The following DPH1 variants were observed in gnomAD, a reference collection of about 807,000 sequenced individuals.
DPH1 encodes the protein 2-(3-amino-3-carboxypropyl)histidine synthase subunit 1.
A neutral mutation model predicts 55.3 loss-of-function variants in DPH1; 59 were observed. The observed-to-expected ratio is 1.07, with a 90% CI of 0.87 to 1.33. The LOEUF is 1.33. DPH1 is among the 40% of genes most tolerant of loss of function. The pLI, the probability that DPH1 is intolerant of heterozygous loss-of-function variation, is 0.00. For synonymous variants in DPH1, 238 were observed against 235.5 expected, an observed-to-expected ratio of 1.01 and a Z score of -0.10; for missense variants, 628 against 584.8, an observed-to-expected ratio of 1.07 and a Z score of -0.76.
intron 12 of DPH1, 104 bp from the exon 13 acceptor site, chr17:2,042,501 C>CCT: frequency 6.9e-7 from 1 of 1,439,290 alleles, no homozygotes; most frequent in Non-Finnish European, 9.1e-7. Flanking sequence ...GCCTCGATTC[C>CCT]CTTTTTCTCT....
chr17:2,039,905 C>G, intron 7 of DPH1, 82 bp downstream of exon 7: 1 of 1,590,770 alleles, frequency 6.3e-7, no homozygotes, highest in Non-Finnish European at 8.6e-7. Flanking sequence ...GGTTGCATCC[C>G]CATTTCCTGG....
rs772506587 is a variant in DPH1, at chr17:2,042,891, G to T, written c.*305G>T. 5.0e-6 allele frequency: 8 copies of T among 1,614,176 alleles called. No homozygotes were observed. Among genetic ancestry groups the T allele is most frequent in the Non-Finnish European group, 6.8e-6 (8 of 1,180,042 alleles). ...CTGGTTTCTGTCCCCGGGGCATTGG[G>T]TTCAAGGAATCCATCCTGCAAAGGC... On this transcript the variant is annotated 3_prime_UTR_variant, in exon 13 of 13. Coordinates refer to ENST00000263083, the MANE Select transcript of DPH1 (RefSeq NM_001383.6).
intron 1 of DPH1, among the ~76,000 whole-genome samples, chr17:2,031,783 T>C (rs980065093): frequency 6.6e-6 from 1 of 152,182 alleles, no homozygotes; most frequent in Admixed American, 6.5e-5. Context: ...TATTATTTTT[T>C]ATCCTACTTA....
chr17:2,033,885 C>T (rs1158712560), intron 3 of DPH1, 43 bp downstream of exon 3: 1 of 1,610,322 alleles, frequency 6.2e-7, no homozygotes, highest in Non-Finnish European at 8.5e-7. Context: ...CCAGGCTTCC[C>T]CCACCCCCTA....
Position 2,033,564 on chromosome 17 carries a change from C to A in DPH1, c.121C>A (p.Gln41Lys), listed in dbSNP as rs186486757. The A allele has an allele frequency of 1.7e-5, 28 of 1,614,124 alleles. No homozygotes were observed. In the African/African-American group the frequency reaches 2.8e-4, roughly 16 times the overall value. The change falls in exon 2 of 13, where the codon CAG becomes AAG. Residue 41 changes from glutamine to lysine, a missense_variant. Transcript: ENST00000263083. ...QIPPEILKNP[Q>K]LQAAIRVLPS... ...CCCCCCTGAGATCCTGAAGAACCCT[C>A]AGCTGCAGGCAGCAATCCGGGTCCT...
In DPH1 at chr17:2,043,200, T is replaced by TGGAG; in HGVS notation, c.*615_*616insGAGG. Reference sequence around the variant, plus strand: ...AGGACCCTCCACTCACTGCTGTGAGTGCGCCTCACCAGAACCAGTTAAGAG... The same window carrying TGGAG: ...AGGACCCTCCACTCACTGCTGTGAGTGGAGGCGCCTCACCAGAACCAGTTAAGAG... On this transcript the variant is annotated 3_prime_UTR_variant, in exon 13 of 13. Coordinates refer to ENST00000263083, the MANE Select transcript of DPH1 (RefSeq NM_001383.6). The TGGAG allele has an allele frequency of 1.4e-6, 2 of 1,422,076 alleles. No homozygotes were observed. The highest frequency in any genetic ancestry group is 1.9e-6 in the Non-Finnish European group (2 of 1,047,764). 88.1% of individuals were successfully genotyped at this position (1,422,076 alleles called of 1,614,324 possible).
At position 2,031,559 on chromosome 17, in the gene DPH1, C is replaced by CTT. The variant is rs2067332131; in HGVS notation, c.61+1330_61+1331insTT. 3.6e-5 allele frequency among the ~76,000 whole-genome samples: 3 copies of CTT among 83,266 alleles called. 1 individual carries two copies. The South Asian group carries it at 1.4e-3, about 39-fold the overall frequency. 54.6% of individuals were successfully genotyped at this position (83,266 alleles called of 152,430 possible). On this transcript the variant is annotated intron_variant, in intron 1 of 12. Transcript: ENST00000263083. Reference sequence around the variant, plus strand: ...CCTGGCCAACAGACAGAGTGAGACTCTGTCTCAAAAAAAAAAAAAAAAAAA... The same window carrying CTT: ...CCTGGCCAACAGACAGAGTGAGACTCTTTGTCTCAAAAAAAAAAAAAAAAAAA...
intron 11 of DPH1, 67 bp downstream of exon 11, chr17:2,041,688 G>A (rs941924845): frequency 6.3e-6 from 10 of 1,577,206 alleles, no homozygotes; most frequent in Admixed American, 5.7e-5. Context: ...CTGCGACCGC[G>A]ACGGGAAACG....
Position 2,041,834 on chromosome 17 carries a change from A to C in DPH1, c.1294A>C (p.Lys432Gln), listed in dbSNP as rs752571174. The C allele has an allele frequency of 2.5e-6, 4 of 1,603,260 alleles. No individual in the cohort carries two copies. The highest frequency in any genetic ancestry group is 2.6e-6 in the Non-Finnish European group (3 of 1,176,306). ...CGAGGACTGCAGCTGCAGGGACGAG[A>C]AGGTGGCGCCGCTGGCTCCTTGACG... is the stretch of plus-strand genomic sequence containing the variant. Reference protein sequence around the residue: ...ACEDCSCRDEKVAPLAP With the variant: ...ACEDCSCRDEQVAPLAP Residue 432 changes from lysine to glutamine, a missense_variant, in exon 12 of 13, where the codon AAG (lysine) becomes CAG (glutamine). Coordinates refer to ENST00000263083, the MANE Select transcript of DPH1 (RefSeq NM_001383.6).
At chr17:2,033,120 G>A (rs73294234) in intron 1 of DPH1, among the ~76,000 whole-genome samples, 204 of 152,216 alleles carry the variant, frequency 1.3e-3, no homozygotes, top group African/African-American at 4.8e-3. Flanking sequence ...CCTATTTTCT[G>A]GCTTCAGTCT....
chr17:2,030,747 G>A (rs2067320020), intron 1 of DPH1, among the ~76,000 whole-genome samples: 1 of 152,226 alleles, frequency 6.6e-6, no homozygotes, highest in African/African-American at 2.4e-5. Flanking sequence ...TGGTCCCTGG[G>A]ACACATTGAA....
Position 2,040,505 on chromosome 17 carries a change from C to G in DPH1, c.907C>G (p.His303Asp). 4 of 1,614,190 alleles carry G rather than the reference C, an allele frequency of 2.5e-6. No homozygotes were observed. The highest frequency in any genetic ancestry group is 3.4e-6 in the Non-Finnish European group (4 of 1,180,044). Residue 303 changes from histidine (H) to aspartate (D), a missense_variant and splice_region_variant, in exon 9 of 13, where the codon CAC (histidine) becomes GAC (aspartate). Physicochemically the swap from His to Asp is moderately conservative, Grantham distance 81. Transcript: ENST00000263083. ...CCACCCTGCCTCCCTCTCCCAACAG[C>G]ACCTGGAATCTCGACTCCGAGCCTT... ...GRQGSPKILEHLESRLRALGL... is the reference protein window; with the variant it reads ...GRQGSPKILEDLESRLRALGL...
At chr17:2,042,398 T>A in intron 12 of DPH1, 3 of 1,259,266 alleles carry the variant, frequency 2.4e-6, no homozygotes, top group Non-Finnish European at 3.1e-6. Context: ...CTGCAGCCTG[T>A]CCTCCCAGGC....
Position 2,041,800 on chromosome 17 carries a change from C to G in DPH1, c.1260C>G (p.Ala420=), listed in dbSNP as rs776006907. ...VQEGSARPPS[A]VACEDCSCRD... Reference sequence around the variant, plus strand: ...AGGGGTCCGCGCGTCCCCCTTCGGCCGTGGCTTGCGAGGACTGCAGCTGCA... The same window carrying G: ...AGGGGTCCGCGCGTCCCCCTTCGGCGGTGGCTTGCGAGGACTGCAGCTGCA... Residue 420 remains alanine (A), a synonymous_variant, in exon 12 of 13, where the codon GCC becomes GCG. Transcript: ENST00000263083. 6.2e-7 allele frequency: 1 copy of G among 1,606,486 alleles called. No homozygotes were observed. The highest frequency in any genetic ancestry group is 8.5e-7 in the Non-Finnish European group (1 of 1,177,332).
intron 12 of DPH1, 23 bp from the exon 13 acceptor site, chr17:2,042,582 C>T (rs73294249): frequency 6.6e-7 from 1 of 1,508,462 alleles, no homozygotes; most frequent in Non-Finnish European, 8.8e-7. Flanking sequence ...CTAATCCCAT[C>T]CTTTTTCCTC....
Position 2,041,126 on chromosome 17 carries a change from G to A in DPH1, c.1031G>A (p.Arg344His). 1.2e-6 allele frequency: 2 copies of A among 1,604,764 alleles called. No individual in the cohort carries two copies. Among genetic ancestry groups the A allele is most frequent in the Middle Eastern group, 1.7e-4 (1 of 6,058 alleles). Reference protein sequence around the residue: ...VDVWVQVACPRLSIDWGTAFP... With the variant: ...VDVWVQVACPHLSIDWGTAFP... ...AGGTGGGTGCAGGTGGCATGTCCAC[G>A]TCTCTCCATTGACTGGGGCACAGCC... is the stretch of plus-strand genomic sequence containing the variant. Residue 344 changes from arginine to histidine, a missense_variant, in exon 10 of 13, where the codon CGT becomes CAT. Coordinates refer to ENST00000263083, the MANE Select transcript of DPH1 (RefSeq NM_001383.6).
At position 2,036,832 on chromosome 17, in the gene DPH1, C is replaced by T. The variant is rs754798062; in HGVS notation, c.559-3C>T. On this transcript the variant is annotated splice_polypyrimidine_tract_variant and splice_region_variant and intron_variant, in intron 5 of 12. Coordinates refer to ENST00000263083, the MANE Select transcript of DPH1 (RefSeq NM_001383.6). The surrounding 1 kb of genome is among the most constrained non-coding windows in gnomAD (Gnocchi z 4.8). ...GGCTTCACTTCCCTCGTCATTCCTA[C>T]AGGCAGCCGCCCAGGAGCTGAAAGC... 7.4e-6 allele frequency: 12 copies of T among 1,613,148 alleles called. No individual in the cohort carries two copies. Among genetic ancestry groups the T allele is most frequent in the Non-Finnish European group, 1.0e-5 (12 of 1,179,734 alleles).
rs759416135 is a variant in DPH1, at chr17:2,042,866, C to G, written c.*280C>G. On this transcript the variant is annotated 3_prime_UTR_variant, in exon 13 of 13. Transcript: ENST00000263083. The stretch of plus-strand genomic sequence containing the variant: ...TTGCCACGGTTTATCCTCTTGGTGT[C>G]TGGTTTCTGTCCCCGGGGCATTGGG... 1.2e-6 allele frequency: 2 copies of G among 1,614,194 alleles called. No homozygotes were observed. The highest frequency in any genetic ancestry group is 2.2e-5 in the East Asian group (1 of 44,884).
In DPH1 at chr17:2,041,539, C is replaced by T. The variant is rs777425338; in HGVS notation, c.1145C>T (p.Ala382Val). Residue 382 changes from alanine to valine, a missense_variant, in exon 11 of 13, where the codon GCT becomes GTT. Physicochemically the swap from Ala to Val is moderately conservative, Grantham distance 64. Transcript: ENST00000263083. ...WQQPYPMDFY[A>V]GSSLGPWTVN... ...CAGCCCTACCCGATGGACTTCTACGCTGGCAGCTCCTTGGGGCCCTGGACG... is the reference window on the plus strand; with the variant it reads ...CAGCCCTACCCGATGGACTTCTACGTTGGCAGCTCCTTGGGGCCCTGGACG... 5 of 1,612,978 alleles carry T rather than the reference C, an allele frequency of 3.1e-6. No homozygotes were observed. In the Admixed American group the frequency reaches 5.0e-5, roughly 16 times the overall value.
Sources: allele counts gnomAD v4.1 joint callset (sites outside exome capture counted in the v4.1 genomes callset), GRCh38; gene constraint gnomAD v4.1.1; non-coding constraint Gnocchi (gnomAD v3.1); transcripts MANE v1.5; gene names NCBI Gene and HGNC (gene_info 2026-07-23, HGNC 2026-07-21).